RFTN1: variants seen among roughly 807,000 people sequenced by gnomAD.
RFTN1 encodes raftlin.
RFTN1 carries 26 observed loss-of-function variants against 46.5 expected under a neutral mutation model. The observed-to-expected ratio is 0.56, with a 90% confidence interval of 0.41 to 0.78. The LOEUF is 0.78. Ranked by LOEUF, RFTN1 falls within the 30% of genes least tolerant of loss-of-function variation. The probability of loss-of-function intolerance (pLI) is 0.00; values close to 1 mark genes in which losing one functional copy is unlikely to be tolerated. For missense variants in RFTN1, 693 were observed against 718.7 expected (o/e 0.96, Z 0.41); for synonymous variants, 261 against 284.2 (o/e 0.92, Z 0.82).
At chr3:16,323,276 T>A in intron 9 of RFTN1, 100 bp downstream of exon 9, 1 of 855,058 alleles carries the variant, frequency 1.2e-6, no homozygotes, top group Non-Finnish European at 1.9e-6. Context: ...CTGCGAGCCC[T>A]TGGAAGCTGG....
rs57189906 is a variant in RFTN1 at position 16,450,892 on chromosome 3, A to T, written c.146-16855T>A. On this transcript the variant is annotated intron_variant, in intron 2 of 9. Transcript: ENST00000334133. The surrounding 1 kb of genome is among the most constrained non-coding windows in gnomAD (Gnocchi z 4.6). ...CTGGTTTGCATGGACCTGAACAGAT[A>T]GTGGTGACTTTCACCACTTGGTTTT... Among the ~76,000 whole-genome samples, 1,225 of 152,210 alleles carry T rather than the reference A, an allele frequency of 8.0e-3. 19 individuals are homozygous for T. The highest frequency in any genetic ancestry group is 0.028 in the African/African-American group (1,163 of 41,524).
chr3:16,447,098 C>A lies in RFTN1; in HGVS notation c.146-13061G>T, dbSNP rs2075746067. Among the ~76,000 whole-genome samples the A allele has an allele frequency of 6.6e-6, 1 of 152,198 alleles. No homozygotes were observed. ...CACCCCAAGACACACCAGCAAATTC[C>A]TATCAGTGGATTCTCCTTTTCCTCA... On this transcript the variant is annotated intron_variant, in intron 2 of 9. Transcript: ENST00000334133. The surrounding 1 kb of genome is among the most constrained non-coding windows in gnomAD (Gnocchi z 5.9).
chr3:16,455,347 G>T (rs886448357), intron 2 of RFTN1, among the ~76,000 whole-genome samples: 1 of 152,184 alleles, frequency 6.6e-6, no homozygotes, highest in Non-Finnish European at 1.5e-5. Context: ...TACTTTGTGT[G>T]CGTATGTGAA....
rs2071370460 is a variant in RFTN1 at position 16,342,315 on chromosome 3, C to T, written c.1147-15439G>A. On this transcript the variant is annotated intron_variant, in intron 7 of 9. Coordinates refer to ENST00000334133, the MANE Select transcript of RFTN1 (RefSeq NM_015150.2). The surrounding 1 kb of genome is among the most constrained non-coding windows in gnomAD (Gnocchi z 4.0). ...ATAATATGTGGTCTTTTGCAACTGG[C>T]TTCTTTCACTTTAGCATATGTTCAA... Among the ~76,000 whole-genome samples the T allele has an allele frequency of 6.6e-6, 1 of 152,162 alleles. No individual in the cohort carries two copies. Among genetic ancestry groups the T allele is most frequent in the African/African-American group, 2.4e-5 (1 of 41,434 alleles).
intron 4 of RFTN1, among the ~76,000 whole-genome samples, chr3:16,399,805 C>T (rs1287856624): frequency 1.3e-5 from 2 of 152,180 alleles, no homozygotes; most frequent in Admixed American, 1.3e-4. Context: ...AATCCAACTG[C>T]AGGAGCCAAA....
In RFTN1 at chr3:16,429,664, A is replaced by G. The variant is rs554276431; in HGVS notation, c.332+4187T>C. On this transcript the variant is annotated intron_variant, in intron 3 of 9. Coordinates refer to ENST00000334133, the MANE Select transcript of RFTN1 (RefSeq NM_015150.2). This position sits in a 1 kb window ranked among gnomAD's most constrained non-coding sequence, Gnocchi z 6.4. ...CCTAGCACAATACTCTGAAAAGAGT[A>G]CTCACTCAGCAAGTGTTAGTGAATG... 6.6e-6 allele frequency among the ~76,000 whole-genome samples: 1 copy of G among 152,302 alleles called. No homozygotes were observed. Among genetic ancestry groups the G allele is most frequent in the African/African-American group, 2.4e-5 (1 of 41,562 alleles).
intron 2 of RFTN1, among the ~76,000 whole-genome samples, chr3:16,455,836 G>T (rs781684544): frequency 2.6e-5 from 4 of 152,324 alleles, no homozygotes; most frequent in Non-Finnish European, 5.9e-5. Flanking sequence ...CTGTCAAGAT[G>T]ATAATGAAAC....
chr3:16,365,721 C>G (rs2073122646), intron 6 of RFTN1, among the ~76,000 whole-genome samples: 1 of 152,112 alleles, frequency 6.6e-6, no homozygotes, highest in South Asian at 2.1e-4. Flanking sequence ...TGTCATAATT[C>G]TTAACTTATC....
chr3:16,381,434 G>A lies in RFTN1; in HGVS notation c.442-3332C>T, dbSNP rs2073988446. On this transcript the variant is annotated intron_variant, in intron 4 of 9. Transcript: ENST00000334133. The surrounding 1 kb of genome is among the most constrained non-coding windows in gnomAD (Gnocchi z 4.2). ...TATTTCTGCCTGAAGGGGAGGTTGA[G>A]AAAAGTTTCTCCGAGTAGATCAGGG... Among the ~76,000 whole-genome samples, 1 of 152,220 alleles carries A rather than the reference G, an allele frequency of 6.6e-6. No individual in the cohort carries two copies. The highest frequency in any genetic ancestry group is 1.5e-5 in the Non-Finnish European group (1 of 68,044).
Position 16,361,124 on chromosome 3 carries a change from C to G in RFTN1, c.1031-3077G>C, listed in dbSNP as rs527692777. Among the ~76,000 whole-genome samples, 1 of 152,166 alleles carries G rather than the reference C, an allele frequency of 6.6e-6. No homozygotes were observed. The highest frequency in any genetic ancestry group is 2.4e-5 in the African/African-American group (1 of 41,446). ...CTCTACAAGGCTCTTGAAGGCCTAA[C>G]TAGAATCAAAGAGTTTTTTAAAACT... On this transcript the variant is annotated intron_variant, in intron 6 of 9. Coordinates refer to ENST00000334133, the MANE Select transcript of RFTN1 (RefSeq NM_015150.2). The surrounding 1 kb of genome is among the most constrained non-coding windows in gnomAD (Gnocchi z 4.3).
At chr3:16,358,909 G>A (rs981042640) in intron 6 of RFTN1, among the ~76,000 whole-genome samples, 2 of 151,620 alleles carry the variant, frequency 1.3e-5, no homozygotes, top group Non-Finnish European at 2.9e-5. Flanking sequence ...GGGTATGGCT[G>A]TAATCCCAGC....
At chr3:16,371,639 A>G (rs1159033449) in intron 5 of RFTN1, among the ~76,000 whole-genome samples, 1 of 152,234 alleles carries the variant, frequency 6.6e-6, no homozygotes, top group Non-Finnish European at 1.5e-5. Context: ...CATCAGCAAT[A>G]CCTGAATGAA....
In RFTN1 at chr3:16,353,592, C is replaced by T. The variant is rs2072234428; in HGVS notation, c.1146+4340G>A. Among the ~76,000 whole-genome samples the T allele has an allele frequency of 6.6e-6, 1 of 152,212 alleles. No homozygotes were observed. The highest frequency in any genetic ancestry group is 2.1e-4 in the South Asian group (1 of 4,832). On this transcript the variant is annotated intron_variant, in intron 7 of 9. Transcript: ENST00000334133. The surrounding 1 kb of genome is among the most constrained non-coding windows in gnomAD (Gnocchi z 5.4). ...TTAAAGACTAAATGTTTTCTATCCT[C>T]CCACAATGCGTATGTTGAGGCTCCA...
chr3:16,360,915 G>A (rs1249213387), intron 6 of RFTN1, among the ~76,000 whole-genome samples: 1 of 152,162 alleles, frequency 6.6e-6, no homozygotes, highest in Admixed American at 6.5e-5. Flanking sequence ...GGATTTTTAT[G>A]TTAAAATGGT....
intron 3 of RFTN1, among the ~76,000 whole-genome samples, chr3:16,416,978 C>T (rs1228424553): frequency 6.6e-6 from 1 of 151,526 alleles, no homozygotes; most frequent in Non-Finnish European, 1.5e-5. Flanking sequence ...ACCACCATCA[C>T]TACCCATTTC....
Position 16,449,030 on chromosome 3 carries a change from G to A in RFTN1, c.146-14993C>T, listed in dbSNP as rs149101684. On this transcript the variant is annotated intron_variant, in intron 2 of 9. Coordinates refer to ENST00000334133, the MANE Select transcript of RFTN1 (RefSeq NM_015150.2). The surrounding 1 kb of genome is among the most constrained non-coding windows in gnomAD (Gnocchi z 5.1). Reference sequence around the variant, plus strand: ...CCTCACACACTTAATAAATGCATCCGTGTGGTATTAATGTTTCAACTTAAC... The same window carrying A: ...CCTCACACACTTAATAAATGCATCCATGTGGTATTAATGTTTCAACTTAAC... 9.8e-5 allele frequency among the ~76,000 whole-genome samples: 15 copies of A among 152,288 alleles called. No homozygotes were observed. The highest frequency in any genetic ancestry group is 2.6e-4 in the Admixed American group (4 of 15,290).
intron 7 of RFTN1, among the ~76,000 whole-genome samples, chr3:16,332,398 T>C (rs1401604564): frequency 1.4e-5 from 2 of 142,172 alleles, no homozygotes; most frequent in Non-Finnish European, 3.0e-5. Context: ...AAAAGCCCTT[T>C]CTTATCTTTT....
chr3:16,436,663 A>AC (rs995669187), intron 2 of RFTN1, among the ~76,000 whole-genome samples: 5 of 151,506 alleles, frequency 3.3e-5, no homozygotes, highest in South Asian at 2.1e-4. Context: ...TGAATTGAAC[A>AC]CCCCCCCACC....
chr3:16,323,987 G>A (rs1330554292), intron 8 of RFTN1, among the ~76,000 whole-genome samples: 1 of 152,198 alleles, frequency 6.6e-6, no homozygotes, highest in Non-Finnish European at 1.5e-5. Flanking sequence ...ACCAGCTCTG[G>A]CTCACATGCG....
Sources: gnomAD v4.1 joint callset for allele counts (sites outside exome capture counted in the v4.1 genomes callset) on GRCh38, gnomAD v4.1.1 for gene constraint, Gnocchi (gnomAD v3.1) non-coding constraint, MANE v1.5 for transcripts, NCBI Gene and HGNC (gene_info 2026-07-23, HGNC 2026-07-21) for gene names.